The following TBC1D10A variants were observed in gnomAD, a reference collection of about 807,000 sequenced individuals.
The protein encoded by TBC1D10A is TBC1 domain family member 10A.
In TBC1D10A, 24 loss-of-function variants were observed where a neutral mutation model predicts 52.9. The observed-to-expected ratio is 0.45, with a 90% CI of 0.33 to 0.64. TBC1D10A has a LOEUF of 0.64. Among genes scored for constraint, TBC1D10A ranks in the 30% least tolerant of loss-of-function variants. TBC1D10A has a pLI of 0.02. For synonymous variants in TBC1D10A, 278 were observed against 282.9 expected (o/e 0.98, Z 0.17); for missense variants, 602 against 687.9 (o/e 0.88, Z 1.40).
chr22:30,310,151 A>G (rs1930396184), intron 1 of TBC1D10A, among the ~76,000 whole-genome samples: 1 of 152,220 alleles, frequency 6.6e-6, no homozygotes, highest in Admixed American at 6.5e-5. Flanking sequence ...CAGTTCTGCC[A>G]TCTACTAACT....
rs766055376 is a variant in TBC1D10A at position 30,294,143 on chromosome 22, C to T, written c.706-33G>A. Reference sequence around the variant, plus strand: ...GACATCGAGGCCACGGGACCATGACCGTGGGCTGCAGGAGCCAGGGCAGAG... The same window carrying T: ...GACATCGAGGCCACGGGACCATGACTGTGGGCTGCAGGAGCCAGGGCAGAG... On this transcript the variant is annotated intron_variant, in intron 6 of 8. Transcript: ENST00000215790. 11 of 1,604,874 alleles carry T rather than the reference C, an allele frequency of 6.9e-6. No homozygotes were observed. In the East Asian group the frequency reaches 1.3e-4, roughly 20 times the overall value.
At chr22:30,306,007 A>G (rs149170943) in intron 1 of TBC1D10A, among the ~76,000 whole-genome samples, 1 of 152,296 alleles carries the variant, frequency 6.6e-6, no homozygotes, top group Non-Finnish European at 1.5e-5. Flanking sequence ...CGCCTTTACA[A>G]AAGGTCAGGT....
At chr22:30,306,679 T>C (rs1355672525) in intron 1 of TBC1D10A, among the ~76,000 whole-genome samples, 1 of 152,252 alleles carries the variant, frequency 6.6e-6, no homozygotes, top group Non-Finnish European at 1.5e-5. Flanking sequence ...GTTTTGATTT[T>C]TTAAATCCTA....
In TBC1D10A at chr22:30,295,069, G is replaced by A. The variant is rs376610675; in HGVS notation, c.525-14C>T. ...AGGTCCTGCTGGCTGTGGAGAGGCCGGGCAGAGCAGTGATGACCGGGGTGA... is the reference window on the plus strand; with the variant it reads ...AGGTCCTGCTGGCTGTGGAGAGGCCAGGCAGAGCAGTGATGACCGGGGTGA... On this transcript the variant is annotated splice_polypyrimidine_tract_variant and intron_variant, in intron 4 of 8. Transcript: ENST00000215790. 4.5e-5 allele frequency: 73 copies of A among 1,612,572 alleles called. No homozygotes were observed. The African/African-American group carries it at 5.2e-4, about 12-fold the overall frequency.
chr22:30,312,793 G>A (rs1930452253), intron 1 of TBC1D10A, among the ~76,000 whole-genome samples: 1 of 152,080 alleles, frequency 6.6e-6, no homozygotes, highest in Non-Finnish European at 1.5e-5. Context: ...AACTACTCCA[G>A]GGACAGAACA....
chr22:30,296,393 G>A (rs142333079), intron 3 of TBC1D10A: 1 of 153,818 alleles, frequency 6.5e-6, no homozygotes, highest in Non-Finnish European at 1.4e-5. Context: ...GTGGAGCTGG[G>A]ACTGGAAGCC....
chr22:30,314,844 A>G (rs1161412975), intron 1 of TBC1D10A, among the ~76,000 whole-genome samples: 1 of 151,638 alleles, frequency 6.6e-6, no homozygotes, highest in Non-Finnish European at 1.5e-5. Context: ...AAAAAACACA[A>G]AAAACCCACA....
At chr22:30,293,553 G>A in intron 8 of TBC1D10A, 98 bp downstream of exon 8, 2 of 1,504,438 alleles carry the variant, frequency 1.3e-6, no homozygotes, top group Non-Finnish European at 9.0e-7. Context: ...CCTGGCATAG[G>A]ATCCACCCTC....
intron 1 of TBC1D10A, among the ~76,000 whole-genome samples, chr22:30,311,493 A>C (rs1348430837): frequency 1.3e-5 from 2 of 152,086 alleles, no homozygotes; most frequent in African/African-American, 4.8e-5. Flanking sequence ...TTCCCAATGC[A>C]GGCTAATTCT....
At chr22:30,307,962 T>G (rs1474897812) in intron 1 of TBC1D10A, 1 of 152,112 alleles carries the variant, frequency 6.6e-6, no homozygotes, top group South Asian at 2.1e-4. Context: ...ACCCAGCTAA[T>G]TTTTTGCATT....
At chr22:30,300,419 A>G (rs886696412) in intron 2 of TBC1D10A, 3 of 151,514 alleles carry the variant, frequency 2.0e-5, no homozygotes, top group African/African-American at 7.3e-5. Context: ...ACTGCACTCC[A>G]GCCGGGGCGA....
At chr22:30,300,686 A>T (rs1392060292) in intron 2 of TBC1D10A, 1 of 152,122 alleles carries the variant, frequency 6.6e-6, no homozygotes. Context: ...TCTCAGCAGA[A>T]CTCTGAAGGA....
chr22:30,317,981 G>T (rs182003598), intron 1 of TBC1D10A, among the ~76,000 whole-genome samples: 1 of 152,256 alleles, frequency 6.6e-6, no homozygotes, highest in East Asian at 1.9e-4. Context: ...ACAAAGGTCA[G>T]TGGTGGAGCC....
At position 30,299,571 on chromosome 22, in the gene TBC1D10A, C is replaced by A; in HGVS notation, c.310-20G>T. On this transcript the variant is annotated intron_variant, in intron 2 of 8. Coordinates refer to ENST00000215790, the MANE Select transcript of TBC1D10A (RefSeq NM_031937.3). Reference sequence around the variant, plus strand: ...ACGAATCTGAAAATCAAAAGGACAGCTGAGCCCATGCAGCCACCCAGGCAG... The same window carrying A: ...ACGAATCTGAAAATCAAAAGGACAGATGAGCCCATGCAGCCACCCAGGCAG... The A allele has an allele frequency of 6.2e-7, 1 of 1,612,450 alleles. No homozygotes were observed. Among genetic ancestry groups the A allele is most frequent in the Admixed American group, 1.7e-5 (1 of 59,972 alleles).
chr22:30,293,922 T>G lies in TBC1D10A; in HGVS notation c.894A>C (p.Glu298Asp). Residue 298 changes from glutamate to aspartate, a missense_variant and splice_region_variant, in exon 7 of 9, where the codon GAA becomes GAC. Transcript: ENST00000215790. ...CTCCCCCCAAGCCCAGCCCAGTACC[T>G]TCACAGAAGAACATGTCCCAGACAC... The part of the protein sequence containing the change: ...VLRVWDMFFC[E>D]GVKIIFRVGL... 3 of 1,612,766 alleles carry G rather than the reference T, an allele frequency of 1.9e-6. No individual in the cohort carries two copies. Among genetic ancestry groups the G allele is most frequent in the Non-Finnish European group, 2.5e-6 (3 of 1,178,874 alleles).
At chr22:30,326,578 G>C (rs904807556) in intron 1 of TBC1D10A, 95 bp downstream of exon 1, 12 of 1,221,108 alleles carry the variant, frequency 9.8e-6, no homozygotes, top group Non-Finnish European at 1.3e-5. Context: ...CTGCCTGGGA[G>C]GGGGACGTGT....
At position 30,292,138 on chromosome 22, in the gene TBC1D10A, C is replaced by T; in HGVS notation, c.*237G>A. On this transcript the variant is annotated 3_prime_UTR_variant, in exon 9 of 9. Coordinates refer to ENST00000215790, the MANE Select transcript of TBC1D10A (RefSeq NM_031937.3). Reference sequence around the variant, plus strand: ...TGAAGGAGGCCCCACCCCCCAGGCCCTAGCTTCTGCCTGCCCTGGCTGGGC... The same window carrying T: ...TGAAGGAGGCCCCACCCCCCAGGCCTTAGCTTCTGCCTGCCCTGGCTGGGC... 2.3e-6 allele frequency: 1 copy of T among 441,316 alleles called. No individual in the cohort carries two copies. The highest frequency in any genetic ancestry group is 3.5e-5 in the East Asian group (1 of 28,246). The allele number at this position is 441,316 out of a possible 1,614,324, so 27.3% of individuals were successfully genotyped here.
At chr22:30,325,971 C>T (rs916180038) in intron 1 of TBC1D10A, among the ~76,000 whole-genome samples, 2 of 152,078 alleles carry the variant, frequency 1.3e-5, no homozygotes, top group Admixed American at 1.3e-4. Flanking sequence ...TACCTGCCCA[C>T]CTGTTGCCAG....
At chr22:30,326,122 C>G (rs1301229060) in intron 1 of TBC1D10A, among the ~76,000 whole-genome samples, 8 of 134,682 alleles carry the variant, frequency 5.9e-5, no homozygotes, top group Non-Finnish European at 7.6e-5. Context: ...CTGTATGCCT[C>G]GAGGAAAGGG....
Sources: gnomAD v4.1 joint callset for allele counts (sites outside exome capture counted in the v4.1 genomes callset) on GRCh38, gnomAD v4.1.1 for gene constraint, MANE v1.5 for transcripts, NCBI Gene and HGNC (gene_info 2026-07-23, HGNC 2026-07-21) for gene names.